The following GRID2 variants were observed in gnomAD, a reference collection of about 807,000 sequenced individuals.
GRID2 encodes glutamate receptor ionotropic, delta-2.
A neutral mutation model predicts 114.8 loss-of-function variants in GRID2; 33 were observed. The observed-to-expected ratio is 0.29, with a 90% CI of 0.22 to 0.38. The LOEUF (loss-of-function observed/expected upper bound fraction) is 0.38. Ranked by LOEUF, GRID2 falls within the 10% of genes least tolerant of loss-of-function variation. The pLI is 1.00. For missense variants in GRID2, 1,184 were observed against 1,257.7 expected (o/e 0.94, Z 0.89); for synonymous variants, 505 against 449.9 (o/e 1.12, Z -1.55).
chr4:93,243,849 T>C (rs1341135415), intron 8 of GRID2, among the ~76,000 whole-genome samples: 1 of 152,122 alleles, frequency 6.6e-6, no homozygotes, highest in Non-Finnish European at 1.5e-5. Flanking sequence ...GCACATTGTA[T>C]ATACCCTTGA....
chr4:92,840,364 T>A lies in GRID2; in HGVS notation c.245-244631T>A, dbSNP rs184361040. ...AAGAGCTTAACTCCTGCCATTTTTTTAAATTTGTTTTCTGTTTGTCTTGTA... is the reference window on the plus strand; with the variant it reads ...AAGAGCTTAACTCCTGCCATTTTTTAAAATTTGTTTTCTGTTTGTCTTGTA... On this transcript the variant is annotated intron_variant, in intron 2 of 15. Transcript: ENST00000282020. 2.2e-4 allele frequency among the ~76,000 whole-genome samples: 34 copies of A among 152,118 alleles called. No individual in the cohort carries two copies. In the East Asian group the frequency reaches 4.3e-3, roughly 19 times the overall value.
intron 14 of GRID2, among the ~76,000 whole-genome samples, chr4:93,644,589 A>G (rs1721938255): frequency 1.3e-5 from 2 of 152,144 alleles, no homozygotes; most frequent in South Asian, 4.1e-4. Flanking sequence ...TGGCCCTTCT[A>G]GGGAGCCTCT....
intron 13 of GRID2, among the ~76,000 whole-genome samples, chr4:93,535,270 A>C (rs1055704700): frequency 2.2e-5 from 3 of 136,900 alleles, no homozygotes; most frequent in African/African-American, 8.2e-5. Context: ...ACACACACAC[A>C]CCACATTTTC....
chr4:93,296,866 C>A lies in GRID2; in HGVS notation c.1245+58376C>A, dbSNP rs549102588. ...AATCACAGTGAATAAATTTTCAAAGCATTGCATACATTTGTCCAGTTTGAC... is the reference window on the plus strand; with the variant it reads ...AATCACAGTGAATAAATTTTCAAAGAATTGCATACATTTGTCCAGTTTGAC... On this transcript the variant is annotated intron_variant, in intron 8 of 15. Coordinates refer to ENST00000282020, the MANE Select transcript of GRID2 (RefSeq NM_001510.4). Among the ~76,000 whole-genome samples, 4 of 152,304 alleles carry A rather than the reference C, an allele frequency of 2.6e-5. No individual in the cohort carries two copies. The East Asian group carries it at 7.7e-4, about 29-fold the overall frequency.
At chr4:92,639,721 A>T (rs182430362) in intron 2 of GRID2, among the ~76,000 whole-genome samples, 98 of 151,864 alleles carry the variant, frequency 6.5e-4, no homozygotes, top group African/African-American at 2.3e-3. Context: ...ATATACTAAA[A>T]GCCCTGACTT....
In GRID2 at chr4:92,403,702, A is replaced by AAATG. The variant is rs1730899738; in HGVS notation, c.88+98961_88+98962insGAAT. Reference sequence around the variant, plus strand: ...GTGAGACTCCATCTCAAAAATAAATAAATAAATAAATAAATAAATAAATAA... The same window carrying AAATG: ...GTGAGACTCCATCTCAAAAATAAATAAATGAATAAATAAATAAATAAATAAATAA... On this transcript the variant is annotated intron_variant, in intron 1 of 15. Coordinates refer to ENST00000282020, the MANE Select transcript of GRID2 (RefSeq NM_001510.4). 2.6e-5 allele frequency among the ~76,000 whole-genome samples: 2 copies of AAATG among 77,864 alleles called. 1 individual carries two copies. The highest frequency in any genetic ancestry group is 1.0e-4 in the African/African-American group (2 of 19,804). The allele number at this position is 77,864 out of a possible 152,430, so 51.1% of individuals were successfully genotyped here.
intron 1 of GRID2, among the ~76,000 whole-genome samples, chr4:92,325,061 T>C (rs1399554962): frequency 2.0e-5 from 3 of 151,908 alleles, no homozygotes; most frequent in Non-Finnish European, 4.4e-5. Flanking sequence ...ATATATACAG[T>C]ATATGATTAT....
At chr4:92,991,904 G>C (rs1013812904) in intron 2 of GRID2, among the ~76,000 whole-genome samples, 1 of 152,028 alleles carries the variant, frequency 6.6e-6, no homozygotes, top group Non-Finnish European at 1.5e-5. Flanking sequence ...ACATAGGAGT[G>C]ATATTTTTGA....
chr4:93,127,596 G>A (rs752595939), intron 4 of GRID2, among the ~76,000 whole-genome samples: 6 of 152,108 alleles, frequency 3.9e-5, no homozygotes, highest in Non-Finnish European at 5.9e-5. Flanking sequence ...GGGGATAGAT[G>A]CAAGTTTAGC....
chr4:93,468,368 T>TAATA (rs34653547), intron 11 of GRID2, among the ~76,000 whole-genome samples: 36,573 of 151,244 alleles, frequency 0.24, 5,385 homozygotes, highest in Non-Finnish European at 0.34. Flanking sequence ...ATAACAGCCA[T>TAATA]AATAAATAAA....
chr4:93,802,039 G>A (rs192125929), intron 1 of GRID2, among the ~76,000 whole-genome samples: 107 of 152,288 alleles, frequency 7.0e-4, no homozygotes, highest in African/African-American at 2.5e-3. Context: ...CAGCATCCAG[G>A]CCTGGAGCTT....
intron 2 of GRID2, among the ~76,000 whole-genome samples, chr4:92,985,765 C>T (rs924345639): frequency 6.6e-6 from 1 of 152,060 alleles, no homozygotes; most frequent in Non-Finnish European, 1.5e-5. Flanking sequence ...AGAAATATTC[C>T]GCTTATGATT....
rs180925928 is a variant in GRID2, at chr4:93,658,134, A to G, written c.2360+31699A>G. 3.3e-5 allele frequency among the ~76,000 whole-genome samples: 5 copies of G among 152,320 alleles called. No individual in the cohort carries two copies. The South Asian group carries it at 8.3e-4, about 25-fold the overall frequency. On this transcript the variant is annotated intron_variant, in intron 14 of 15. Transcript: ENST00000282020. ...ACTTGTATCTTAGGGCAACATTTAT[A>G]ATAATGGGATTTTTAATCAATCTTA...
intron 14 of GRID2, among the ~76,000 whole-genome samples, chr4:93,709,316 G>A (rs193125620): frequency 1.3e-5 from 2 of 152,240 alleles, no homozygotes; most frequent in Admixed American, 6.5e-5. Context: ...CTCATGGAAA[G>A]TATTTCTCCT....
chr4:93,253,387 A>C (rs1749202210), intron 8 of GRID2, among the ~76,000 whole-genome samples: 1 of 152,158 alleles, frequency 6.6e-6, no homozygotes, highest in African/African-American at 2.4e-5. Context: ...AACATTTAAA[A>C]ATTATAGATT....
At chr4:93,448,651 T>G (rs1233313809) in intron 10 of GRID2, among the ~76,000 whole-genome samples, 3 of 151,934 alleles carry the variant, frequency 2.0e-5, no homozygotes, top group Non-Finnish European at 4.4e-5. Context: ...CACCTGAAAT[T>G]AAGAAATCAT....
chr4:93,303,478 T>C (rs1755084276), intron 8 of GRID2, among the ~76,000 whole-genome samples: 1 of 152,184 alleles, frequency 6.6e-6, no homozygotes, highest in African/African-American at 2.4e-5. Context: ...TGGGCTGATA[T>C]GCCACTGTCC....
intron 2 of GRID2, among the ~76,000 whole-genome samples, chr4:93,023,997 G>GA (rs948085021): frequency 1.3e-5 from 2 of 151,574 alleles, no homozygotes; most frequent in African/African-American, 4.8e-5. Flanking sequence ...TGTTGAGCAG[G>GA]AAAAAGATAA....
intron 2 of GRID2, among the ~76,000 whole-genome samples, chr4:92,899,167 TAGG>T (rs1465662818): frequency 3.9e-5 from 6 of 152,214 alleles, no homozygotes; most frequent in East Asian, 3.9e-4. Context: ...ATTTTAATAA[TAGG>T]AGTAATTTAT....
Sources: allele counts gnomAD v4.1 joint callset (sites outside exome capture counted in the v4.1 genomes callset), GRCh38; gene constraint gnomAD v4.1.1; transcripts MANE v1.5; gene names NCBI Gene and HGNC (gene_info 2026-07-23, HGNC 2026-07-21).